The following CENPU variants were observed in gnomAD, a reference collection of about 807,000 sequenced individuals.
CENPU encodes KSHV latent nuclear antigen interacting protein 1.
Under a neutral mutation model 56.7 loss-of-function variants are expected in CENPU, and 46 were observed. That is an observed-to-expected ratio of 0.81 (90% confidence interval 0.64 to 1.04). CENPU has a LOEUF of 1.04. CENPU is among the 50% of genes least tolerant of loss of function. The probability of loss-of-function intolerance (pLI) is 0.00; values close to 1 mark genes in which losing one functional copy is unlikely to be tolerated. For synonymous variants in CENPU, 166 were observed against 163.0 expected (o/e 1.02, Z -0.14); for missense variants, 510 against 490.1 (o/e 1.04, Z -0.38).
At chr4:184,710,307 G>A (rs1201546282) in intron 7 of CENPU, 127 bp from the exon 8 acceptor site, 2 of 576,556 alleles carry the variant, frequency 3.5e-6, no homozygotes, top group Non-Finnish European at 6.1e-6. Context: ...AACAATCAGA[G>A]AGGAGGTGCC....
intron 2 of CENPU, among the ~76,000 whole-genome samples, chr4:184,729,629 G>T (rs1027525305): frequency 6.6e-6 from 1 of 152,186 alleles, no homozygotes; most frequent in Non-Finnish European, 1.5e-5. Flanking sequence ...GGCTAGATTT[G>T]GCCCATGGGC....
intron 5 of CENPU, 43 bp downstream of exon 5, chr4:184,717,093 C>G (rs1330713188): frequency 7.6e-7 from 1 of 1,317,916 alleles, no homozygotes; most frequent in Non-Finnish European, 1.1e-6. Flanking sequence ...TCCAATCAAA[C>G]TATATTACAA....
chr4:184,698,959 T>C (rs1107908), intron 11 of CENPU, among the ~76,000 whole-genome samples: 27,060 of 152,096 alleles, frequency 0.18, 2,698 homozygotes, highest in African/African-American at 0.26. Context: ...CATAGGTTTT[T>C]TTATTATGCC....
In CENPU at chr4:184,716,574, T is replaced by G. The variant is rs1579780749; in HGVS notation, c.441A>C (p.Thr147=). 6.2e-7 allele frequency: 1 copy of G among 1,614,240 alleles called. No individual in the cohort carries two copies. The highest frequency in any genetic ancestry group is 2.2e-5 in the East Asian group (1 of 44,884). The change falls in exon 6 of 13, where the codon ACA becomes ACC. Residue 147 remains threonine, a synonymous_variant. Transcript: ENST00000281453. ...DDSESIEESD[T]RRKVKSAEKI... ...TCTCTGCTGATTTAACTTTTCTCCTTGTATCACTTTCTTCAATGCTTTCAG... is the reference window on the plus strand; with the variant it reads ...TCTCTGCTGATTTAACTTTTCTCCTGGTATCACTTTCTTCAATGCTTTCAG...
At chr4:184,702,176 A>C in intron 9 of CENPU, 40 bp from the exon 10 acceptor site, 1 of 1,483,472 alleles carries the variant, frequency 6.7e-7, no homozygotes, top group Non-Finnish European at 9.4e-7. Flanking sequence ...TCAGTTTCCA[A>C]AAGTAAATGT....
Position 184,734,076 on chromosome 4 carries a change from G to C in CENPU, c.-14C>G. The C allele has an allele frequency of 6.5e-7, 1 of 1,546,742 alleles. No homozygotes were observed. The highest frequency in any genetic ancestry group is 8.7e-7 in the Non-Finnish European group (1 of 1,147,660). ...CCGCGGGGCCATGGTGCCGCTCTCC[G>C]CTCTCGAGCGACTGGAAGCTCCCGC... On this transcript the variant is annotated 5_prime_UTR_variant, in exon 1 of 13. Transcript: ENST00000281453.
In CENPU at chr4:184,702,089, C is replaced by A; in HGVS notation, c.924G>T (p.Lys308Asn). ...GACTCTAATCACATAAATAATTTAC[C>A]TTAGCATTCTTCCTTTTCAGATTTG... The part of the protein sequence containing the change: ...MLTNLKRKNA[K>N]MISDIEKKRQ... Residue 308 changes from lysine (K) to asparagine (N), a missense_variant and splice_region_variant, in exon 10 of 13, where the codon AAG becomes AAT. Physicochemically the swap from Lys to Asn is moderately conservative, Grantham distance 94 (BLOSUM62 0). Transcript: ENST00000281453. The A allele has an allele frequency of 6.3e-7, 1 of 1,598,620 alleles. No homozygotes were observed. The highest frequency in any genetic ancestry group is 1.1e-5 in the South Asian group (1 of 90,424).
rs969659417 is a variant in CENPU, at chr4:184,734,015, C to A, written c.47+1G>T. 3 of 1,606,680 alleles carry A rather than the reference C, an allele frequency of 1.9e-6. No individual in the cohort carries two copies. The highest frequency in any genetic ancestry group is 2.5e-6 in the Non-Finnish European group (3 of 1,177,782). ...CGCTCCCGAGGGTCGGCAGTACTTA[C>A]CCCTCAGACCTGTGAGGCCGCGGCC... On this transcript the variant is annotated splice_donor_variant, in intron 1 of 12. Coordinates refer to ENST00000281453, the MANE Select transcript of CENPU (RefSeq NM_024629.4). LOFTEE classifies it high-confidence loss of function.
chr4:184,732,655 C>T (rs6844929), intron 1 of CENPU, among the ~76,000 whole-genome samples: 1 of 151,838 alleles, frequency 6.6e-6, no homozygotes, highest in African/African-American at 2.4e-5. Context: ...CCTTGCCTTA[C>T]GCTGGAGTCA....
Position 184,697,821 on chromosome 4 carries a change from G to T in CENPU, c.987-18C>A. ...GCTCTAACCTAAAACAAAAATAAGT[G>T]ACAAATAATAAAATGTACCAGCCTA... On this transcript the variant is annotated intron_variant, in intron 11 of 12. Transcript: ENST00000281453. 3 of 1,579,610 alleles carry T rather than the reference G, an allele frequency of 1.9e-6. No individual in the cohort carries two copies. The South Asian group carries it at 3.4e-5, about 18-fold the overall frequency.
chr4:184,700,706 G>A (rs1230214983), intron 11 of CENPU, 114 bp downstream of exon 11: 2 of 936,894 alleles, frequency 2.1e-6, no homozygotes, highest in African/African-American at 3.2e-5. Flanking sequence ...ATCGGAGCTT[G>A]AAGATAACCT....
chr4:184,724,903 T>A, intron 4 of CENPU, 54 bp downstream of exon 4: 18 of 1,169,600 alleles, frequency 1.5e-5, no homozygotes, highest in Non-Finnish European at 2.1e-5. Flanking sequence ...CTTAAAGAGT[T>A]TCTCAGAAAT....
intron 9 of CENPU, 48 bp downstream of exon 9, chr4:184,702,315 A>G: frequency 1.3e-6 from 2 of 1,532,948 alleles, no homozygotes; most frequent in Non-Finnish European, 1.8e-6. Context: ...CTGCTACAGG[A>G]TTAGTGAAAA....
At chr4:184,717,562 C>T (rs1454125519) in intron 4 of CENPU, among the ~76,000 whole-genome samples, 2 of 152,206 alleles carry the variant, frequency 1.3e-5, no homozygotes, top group African/African-American at 4.8e-5. Flanking sequence ...TTCTTTTATC[C>T]TTTAAAGAGG....
intron 1 of CENPU, among the ~76,000 whole-genome samples, chr4:184,732,334 G>A (rs935562834): frequency 7.2e-5 from 11 of 152,124 alleles, no homozygotes; most frequent in African/African-American, 2.7e-4. Flanking sequence ...TGTTGAACAG[G>A]TTGCTTGGCA....
intron 1 of CENPU, among the ~76,000 whole-genome samples, chr4:184,731,883 C>CTCTGTGTG (rs1554013224): frequency 6.8e-6 from 1 of 146,640 alleles, no homozygotes; most frequent in Admixed American, 6.8e-5. Context: ...CTCATGTGCT[C>CTCTGTGTG]TGTGTGTGTG....
At chr4:184,717,224 T>C (rs1294745735) in intron 4 of CENPU, 28 bp from the exon 5 acceptor site, 5 of 1,538,314 alleles carry the variant, frequency 3.3e-6, no homozygotes, top group Non-Finnish European at 4.5e-6. Context: ...CATCAATATC[T>C]TGTACACATT....
In CENPU at chr4:184,694,752, A is replaced by C. The variant is rs777644520; in HGVS notation, c.*536T>G. 1.2e-6 allele frequency: 2 copies of C among 1,612,318 alleles called. No homozygotes were observed. Among genetic ancestry groups the C allele is most frequent in the South Asian group, 2.2e-5 (2 of 91,054 alleles). On this transcript the variant is annotated 3_prime_UTR_variant, in exon 13 of 13. Transcript: ENST00000281453. The stretch of plus-strand genomic sequence containing the variant: ...GTGAAGTGGATGAAATTCCTGATGA[A>C]CTAATTATAGAAGTATTACAAGAGT...
chr4:184,720,400 C>CA (rs1761236365), intron 4 of CENPU, among the ~76,000 whole-genome samples: 1 of 152,002 alleles, frequency 6.6e-6, no homozygotes, highest in Admixed American at 6.6e-5. Flanking sequence ...AAAAAAGCTT[C>CA]AAAAGGGCAA....
Sources: allele counts gnomAD v4.1 joint callset (sites outside exome capture counted in the v4.1 genomes callset), GRCh38; gene constraint gnomAD v4.1.1; transcripts MANE v1.5; gene names NCBI Gene and HGNC (gene_info 2026-07-23, HGNC 2026-07-21).